The following IL3RA variants were observed in gnomAD, a reference collection of about 807,000 sequenced individuals.
IL3RA encodes the protein interleukin-3 receptor subunit alpha.
In IL3RA, 73 loss-of-function variants were observed where a neutral mutation model predicts 52.3. That is an observed-to-expected ratio of 1.40 (90% CI 1.16 to 1.70). IL3RA has a LOEUF of 1.70. IL3RA is among the 40% of genes most tolerant of loss of function. The pLI, the probability that IL3RA is intolerant of heterozygous loss-of-function variation, is 0.00. For missense variants in IL3RA, 664 were observed against 504.4 expected (o/e 1.32, Z -3.03); for synonymous variants, 260 against 194.0 (o/e 1.34, Z -2.83).
chrX:1,339,731 G>A (rs2085416822), intron 1 of IL3RA, among the ~76,000 whole-genome samples: 1 of 152,102 alleles, frequency 6.6e-6, no homozygotes, highest in South Asian at 2.1e-4. Context: ...GGTGGAGGTT[G>A]CAGTGAACCA....
In IL3RA at chrX:1,377,523, G is replaced by A. The variant is rs189476701; in HGVS notation, c.875-1136G>A. 5.1e-3 allele frequency among the ~76,000 whole-genome samples: 771 copies of A among 152,220 alleles called. 6 individuals are homozygous for A. The highest frequency in any genetic ancestry group is 6.5e-3 in the Non-Finnish European group (445 of 68,004). On this transcript the variant is annotated intron_variant, in intron 9 of 11. Transcript: ENST00000331035. ...CTCCCAAAGCGCTGGGATTACAGGC[G>A]TGAGCCACCGCGCCCGGCCAAATTC...
At chrX:1,354,810 G>A (rs1483477808) in intron 6 of IL3RA, among the ~76,000 whole-genome samples, 11 of 89,186 alleles carry the variant, frequency 1.2e-4, no homozygotes, top group African/African-American at 5.2e-4. Flanking sequence ...GGTGGAGGAG[G>A]AAGAGGGTGA....
At chrX:1,348,911 C>T (rs1344782326) in intron 4 of IL3RA, among the ~76,000 whole-genome samples, 1 of 144,306 alleles carries the variant, frequency 6.9e-6, no homozygotes, top group Non-Finnish European at 1.5e-5. Flanking sequence ...GCCTCACTCC[C>T]TTCCTTCCTT....
intron 2 of IL3RA, among the ~76,000 whole-genome samples, chrX:1,345,111 T>A (rs1363027597): frequency 1.3e-5 from 2 of 150,936 alleles, no homozygotes; most frequent in Non-Finnish European, 2.9e-5. Context: ...GAGCTTGCAG[T>A]GAGCTGAGAT....
rs748578803 is a variant in IL3RA, at chrX:1,345,356, G to A, written c.105G>A (p.Lys35=). Residue 35 remains lysine, a synonymous_variant, in exon 3 of 12, where the codon AAG becomes AAA. Transcript: ENST00000331035. ...TCACGAACCTAAGGATGAAAGCAAAGGCTCAGCAGTTGACCTGGGACCTTA... is the reference window on the plus strand; with the variant it reads ...TCACGAACCTAAGGATGAAAGCAAAAGCTCAGCAGTTGACCTGGGACCTTA... ...PPITNLRMKA[K]AQQLTWDLNR... is the part of the protein sequence containing the mutation. 4 of 1,611,302 alleles carry A rather than the reference G, an allele frequency of 2.5e-6. No homozygotes were observed. Among genetic ancestry groups the A allele is most frequent in the Admixed American group, 1.7e-5 (1 of 59,892 alleles).
intron 8 of IL3RA, 142 bp downstream of exon 8, chrX:1,359,029 TC>T: frequency 6.1e-6 from 4 of 655,146 alleles, no homozygotes; most frequent in Non-Finnish European, 8.5e-6. Flanking sequence ...ATGTTATTAT[TC>T]AATGTTCAGT....
chrX:1,345,308 C>T lies in IL3RA; in HGVS notation c.65-8C>T, dbSNP rs201464880. ...ATCTCTTCGAACTCCAACCTGTCAC[C>T]GTTTTAGATCCAAACCCACCAATCA... On this transcript the variant is annotated splice_region_variant and splice_polypyrimidine_tract_variant and intron_variant, in intron 2 of 11. Transcript: ENST00000331035. 206 of 1,595,488 alleles carry T rather than the reference C, an allele frequency of 1.3e-4. No homozygotes were observed. The East Asian group carries it at 3.4e-3, about 26-fold the overall frequency.
chrX:1,368,183 C>A (rs1469911249), intron 9 of IL3RA, among the ~76,000 whole-genome samples: 1 of 151,164 alleles, frequency 6.6e-6, no homozygotes, highest in African/African-American at 2.4e-5. Flanking sequence ...GGCGTGAACC[C>A]GGGAGGCGGA....
chrX:1,352,265 C>T (rs2086125806), intron 5 of IL3RA, 33 bp downstream of exon 5: 4 of 1,613,098 alleles, frequency 2.5e-6, no homozygotes, highest in Non-Finnish European at 3.4e-6. Context: ...GCCGGGCTGT[C>T]CCTGGTGCGG....
chrX:1,348,870 C>G (rs1398582800), intron 4 of IL3RA, among the ~76,000 whole-genome samples: 1 of 65,584 alleles, frequency 1.5e-5, no homozygotes, highest in Non-Finnish European at 2.9e-5. Flanking sequence ...CCTCTCTCTC[C>G]TTCCTTCCCT....
chrX:1,378,819 G>A, intron 10 of IL3RA, 55 bp downstream of exon 10: 2 of 1,431,386 alleles, frequency 1.4e-6, no homozygotes, highest in Admixed American at 1.7e-5. Context: ...GACCCTGAAA[G>A]TTATTCACAG....
At chrX:1,381,559 TGGA>T (rs2089179493) in intron 11 of IL3RA, among the ~76,000 whole-genome samples, 1 of 149,784 alleles carries the variant, frequency 6.7e-6, no homozygotes. Context: ...TTTTTTTAGA[TGGA>T]GTTTTGCTCT....
chrX:1,354,098 C>T (rs1352777871), intron 6 of IL3RA, among the ~76,000 whole-genome samples: 1 of 148,252 alleles, frequency 6.7e-6, no homozygotes. Flanking sequence ...CATGGAATCC[C>T]TCATCATGGG....
At chrX:1,362,327 CCCTGTCTGTTTCTA>C (rs1195801883) in intron 8 of IL3RA, among the ~76,000 whole-genome samples, 3 of 151,122 alleles carry the variant, frequency 2.0e-5, no homozygotes, top group East Asian at 1.9e-4. Flanking sequence ...CTCCGTCTCT[CCCTGTCTGTTTCTA>C]TCTCTGTCTC....
At chrX:1,370,820 G>A (rs1189091801) in intron 9 of IL3RA, among the ~76,000 whole-genome samples, 6 of 78,844 alleles carry the variant, frequency 7.6e-5, no homozygotes, top group African/African-American at 4.3e-4. Flanking sequence ...GGGAGAAGAC[G>A]GCATCTCCAA....
At chrX:1,344,788 T>A (rs1418789246) in intron 2 of IL3RA, among the ~76,000 whole-genome samples, 3 of 148,896 alleles carry the variant, frequency 2.0e-5, no homozygotes, top group Non-Finnish European at 4.5e-5. Context: ...AAATAAAAAA[T>A]TTAAAAAAAT....
intron 6 of IL3RA, among the ~76,000 whole-genome samples, chrX:1,353,199 A>G (rs1182191698): frequency 1.3e-4 from 17 of 131,076 alleles, no homozygotes; most frequent in South Asian, 1.3e-3. Context: ...ACCCCCCATC[A>G]TGGGTTCCAT....
chrX:1,348,431 G>T lies in IL3RA; in HGVS notation c.184G>T (p.Ala62Ser), dbSNP rs1263757037. 16 of 1,607,810 alleles carry T rather than the reference G, an allele frequency of 1.0e-5. No homozygotes were observed. Among genetic ancestry groups the T allele is most frequent in the South Asian group, 3.3e-5 (3 of 90,954 alleles). Residue 62 changes from alanine to serine, a missense_variant and splice_region_variant, in exon 4 of 12, where the codon GCA (alanine) becomes TCA (serine). Physicochemically the swap from Ala to Ser is moderately conservative, Grantham distance 99. Transcript: ENST00000331035. The part of the protein sequence containing the change: ...CVKDADYSMP[A>S]VNNSYCQFGA... ...CATCATAGTCCTATGTCTCTCTTAG[G>T]CAGTGAACAATAGCTATTGCCAGTT...
At chrX:1,361,871 A>G (rs2087424087) in intron 8 of IL3RA, among the ~76,000 whole-genome samples, 1 of 151,382 alleles carries the variant, frequency 6.6e-6, no homozygotes, top group Non-Finnish European at 1.5e-5. Context: ...AACTGCCCCC[A>G]TGATTCAGTT....
Sources: allele counts gnomAD v4.1 joint callset (sites outside exome capture counted in the v4.1 genomes callset), GRCh38; gene constraint gnomAD v4.1.1; transcripts MANE v1.5; gene names NCBI Gene and HGNC (gene_info 2026-07-23, HGNC 2026-07-21).